SRRM4: variants seen among roughly 807,000 people sequenced by gnomAD.
SRRM4 encodes the protein serine/arginine repetitive matrix 4, also known as serine/arginine repetitive matrix protein 4.
SRRM4 carries 33 observed loss-of-function variants against 68.9 expected under a neutral mutation model. The ratio of observed to expected loss-of-function variants is 0.48; its 90% CI spans 0.36 to 0.64. The LOEUF (loss-of-function observed/expected upper bound fraction) is 0.64. Ranked by LOEUF, SRRM4 falls within the 30% of genes least tolerant of loss-of-function variation. The pLI is 0.00. For synonymous variants in SRRM4, 318 were observed against 318.8 expected (o/e 1.00, Z 0.03); for missense variants, 817 against 827.1 (o/e 0.99, Z 0.15).
chr12:119,058,962 C>T (rs887707362), intron 1 of SRRM4, among the ~76,000 whole-genome samples: 3 of 152,188 alleles, frequency 2.0e-5, no homozygotes, highest in African/African-American at 4.8e-5. Context: ...CAGAGCCAGA[C>T]AGAAAAAGTT....
At chr12:119,067,501 G>A (rs771655518) in intron 1 of SRRM4, among the ~76,000 whole-genome samples, 1 of 152,120 alleles carries the variant, frequency 6.6e-6, no homozygotes, top group Non-Finnish European at 1.5e-5. Context: ...GAGGTCAGGA[G>A]TTCAAGACCA....
In SRRM4 at chr12:119,125,425, G is replaced by A. The variant is rs376392386; in HGVS notation, c.560G>A (p.Arg187His). 9.3e-6 allele frequency: 15 copies of A among 1,612,978 alleles called. No individual in the cohort carries two copies. The highest frequency in any genetic ancestry group is 4.5e-5 in the East Asian group (2 of 44,778). Residue 187 changes from arginine (R) to histidine (H), a missense_variant, in exon 7 of 13, where the codon CGC becomes CAC. By Grantham distance (29) the Arg-to-His change is conservative. Transcript: ENST00000267260. ...PRKSHRHRHH[R>H]CPSRSQSSES... is the part of the protein sequence containing the mutation. ...AAGTCTCACCGCCACCGCCATCACC[G>A]CTGCCCCTCGCGGTCCCAGAGCTCG...
intron 4 of SRRM4, among the ~76,000 whole-genome samples, chr12:119,117,499 A>G (rs1252445865): frequency 6.6e-6 from 1 of 152,154 alleles, no homozygotes; most frequent in Non-Finnish European, 1.5e-5. Flanking sequence ...GTTGAAAAAC[A>G]TGGCTGTGCT....
intron 1 of SRRM4, among the ~76,000 whole-genome samples, chr12:119,056,659 A>G (rs1243972283): frequency 1.3e-5 from 2 of 151,210 alleles, no homozygotes; most frequent in Non-Finnish European, 2.9e-5. Context: ...GCCTTTGCAC[A>G]TGCTGTTCTC....
At chr12:119,024,556 G>A (rs142059729) in intron 1 of SRRM4, among the ~76,000 whole-genome samples, 286 of 152,282 alleles carry the variant, frequency 1.9e-3, no homozygotes, top group African/African-American at 6.6e-3. Context: ...TCTACTCAGC[G>A]TATCTCCTGT....
chr12:119,127,279 G>A (rs1048894983), intron 7 of SRRM4, among the ~76,000 whole-genome samples: 10 of 152,118 alleles, frequency 6.6e-5, no homozygotes, highest in Non-Finnish European at 1.5e-4. Context: ...GTTCAATGGG[G>A]ACACTGAGAC....
chr12:119,156,660 G>T lies in SRRM4; in HGVS notation c.1698G>T (p.Thr566=), dbSNP rs746211078. 5 of 1,572,758 alleles carry T rather than the reference G, an allele frequency of 3.2e-6. No homozygotes were observed. Among genetic ancestry groups the T allele is most frequent in the Non-Finnish European group, 4.3e-6 (5 of 1,161,136 alleles). ...GCCGGAGACGGAGCCGGACCCGCAC[G>T]AGCAGCAGCTCTAGCTCCCGCAGCC... ...SRSRRRSRTR[T]SSSSSSRSPS... Residue 566 remains threonine, a synonymous_variant, in exon 13 of 13, where the codon ACG becomes ACT. Coordinates refer to ENST00000267260, the MANE Select transcript of SRRM4 (RefSeq NM_194286.4).
chr12:118,986,269 T>A (rs960253267), intron 1 of SRRM4, among the ~76,000 whole-genome samples: 1 of 152,134 alleles, frequency 6.6e-6, no homozygotes, highest in Non-Finnish European at 1.5e-5. Context: ...GCGCTGAGGG[T>A]CACAGAAAAT....
chr12:119,145,291 T>C lies in SRRM4; in HGVS notation c.772-90T>C, dbSNP rs1376155987. On this transcript the variant is annotated intron_variant, in intron 8 of 12. Coordinates refer to ENST00000267260, the MANE Select transcript of SRRM4 (RefSeq NM_194286.4). ...CTCTCTCTCTTTCCTTTCGTTACAG[T>C]GCATCATGACGGTAAACATTTCTTG... The C allele has an allele frequency of 3.6e-6, 4 of 1,100,186 alleles. No homozygotes were observed. In the African/African-American group the frequency reaches 4.8e-5, roughly 13 times the overall value. 68.2% of individuals were successfully genotyped at this position (1,100,186 alleles called of 1,614,324 possible).
At chr12:119,107,379 G>A (rs1162626366) in intron 2 of SRRM4, among the ~76,000 whole-genome samples, 1 of 152,144 alleles carries the variant, frequency 6.6e-6, no homozygotes, top group African/African-American at 2.4e-5. Flanking sequence ...GATTGGAATA[G>A]TTACAGAAGA....
chr12:119,067,414 C>T (rs1345527311), intron 1 of SRRM4, among the ~76,000 whole-genome samples: 1 of 152,070 alleles, frequency 6.6e-6, no homozygotes, highest in Non-Finnish European at 1.5e-5. Flanking sequence ...CTCTAAAAGT[C>T]AATAAGCCTT....
chr12:119,070,048 A>G (rs1164972136), intron 1 of SRRM4, among the ~76,000 whole-genome samples: 1 of 152,140 alleles, frequency 6.6e-6, no homozygotes, highest in African/African-American at 2.4e-5. Context: ...TTGCCTTGGG[A>G]GAGGAATGCA....
intron 1 of SRRM4, among the ~76,000 whole-genome samples, chr12:119,066,314 T>C (rs1302889218): frequency 6.6e-6 from 1 of 152,192 alleles, no homozygotes; most frequent in African/African-American, 2.4e-5. Flanking sequence ...ACCAATCCCA[T>C]TTATAGATGG....
At chr12:119,137,194 G>A (rs1954334295) in intron 8 of SRRM4, among the ~76,000 whole-genome samples, 1 of 151,562 alleles carries the variant, frequency 6.6e-6, no homozygotes, top group South Asian at 2.1e-4. Flanking sequence ...TCTCCCATAT[G>A]GCAGGGAAGA....
rs1294594406 is a variant in SRRM4 at position 119,099,000 on chromosome 12, A to C, written c.132-3236A>C. ...GAGTGATCGTTCTCAAAGGTAATCC[A>C]GTCCCTATCACTCCTGTTCCAAAGA... On this transcript the variant is annotated intron_variant, in intron 1 of 12. Coordinates refer to ENST00000267260, the MANE Select transcript of SRRM4 (RefSeq NM_194286.4). 4.6e-5 allele frequency among the ~76,000 whole-genome samples: 7 copies of C among 152,234 alleles called. No individual in the cohort carries two copies. The East Asian group carries it at 1.4e-3, about 29-fold the overall frequency.
chr12:118,992,341 C>G (rs1264835622), intron 1 of SRRM4: 3 of 152,258 alleles, frequency 2.0e-5, no homozygotes, highest in Non-Finnish European at 4.4e-5. Context: ...ATCCCGCCCC[C>G]TCAGGGTCTC....
intron 1 of SRRM4, among the ~76,000 whole-genome samples, chr12:119,044,332 T>C (rs1953690911): frequency 6.6e-6 from 1 of 152,206 alleles, no homozygotes; most frequent in African/African-American, 2.4e-5. Context: ...ATGCAGCTCC[T>C]GGTGGGTACC....
chr12:119,157,011 C>T lies in SRRM4; in HGVS notation c.*213C>T. The stretch of plus-strand genomic sequence containing the variant: ...ACCAGCATCATCCTGGGGCCCAGCT[C>T]AGGCCTGGGCATATGGAAAGAACCA... On this transcript the variant is annotated 3_prime_UTR_variant, in exon 13 of 13. Transcript: ENST00000267260. The surrounding 1 kb of genome is among the most constrained non-coding windows in gnomAD (Gnocchi z 4.1). 1.8e-6 allele frequency: 1 copy of T among 544,552 alleles called. No individual in the cohort carries two copies. The highest frequency in any genetic ancestry group is 3.1e-5 in the East Asian group (1 of 32,720). 33.7% of individuals were successfully genotyped at this position (544,552 alleles called of 1,614,324 possible). A position where few individuals can be genotyped will look rare whatever the true frequency, so the allele number is the denominator to read the frequency against.
Position 119,052,333 on chromosome 12 carries a change from A to G in SRRM4, c.132-49903A>G, listed in dbSNP as rs187019590. 5.9e-5 allele frequency among the ~76,000 whole-genome samples: 9 copies of G among 152,264 alleles called. No homozygotes were observed. In the East Asian group the frequency reaches 1.4e-3, roughly 23 times the overall value. On this transcript the variant is annotated intron_variant, in intron 1 of 12. Transcript: ENST00000267260. ...TGCTAAGGACCCTTAGGTTTCATGT[A>G]TGTCTCTCTGGTGATAACTGGGTGT...
Sources: gnomAD v4.1 joint callset for allele counts (sites outside exome capture counted in the v4.1 genomes callset) on GRCh38, gnomAD v4.1.1 for gene constraint, Gnocchi (gnomAD v3.1) non-coding constraint, MANE v1.5 for transcripts, NCBI Gene and HGNC (gene_info 2026-07-23, HGNC 2026-07-21) for gene names.